The following MCM3AP variants were observed in gnomAD, a reference collection of about 807,000 sequenced individuals.
The protein encoded by MCM3AP is minichromosome maintenance complex component 3 associated protein.
Under a neutral mutation model 184.1 loss-of-function variants are expected in MCM3AP, and 126 were observed. That is an observed-to-expected ratio of 0.68 (90% CI 0.59 to 0.79). MCM3AP has a LOEUF of 0.79. Ranked by LOEUF, MCM3AP falls within the 30% of genes least tolerant of loss-of-function variation. MCM3AP has a pLI of 0.00. For synonymous variants in MCM3AP, 1,002 were observed against 979.3 expected (o/e 1.02, Z -0.43); for missense variants, 2,496 against 2,479.2 (o/e 1.01, Z -0.14).
At chr21:46,239,406 A>C (rs966877972) in intron 26 of MCM3AP, among the ~76,000 whole-genome samples, 1 of 152,252 alleles carries the variant, frequency 6.6e-6, no homozygotes, top group Non-Finnish European at 1.5e-5. Context: ...CATGGAAGTC[A>C]TAACAAGTGG....
At chr21:46,261,596 G>A (rs1010448025) in intron 13 of MCM3AP, among the ~76,000 whole-genome samples, 185 bp from the exon 14 acceptor site, 10 of 151,950 alleles carry the variant, frequency 6.6e-5, no homozygotes, top group South Asian at 6.3e-4. Context: ...AGCCAGGCGC[G>A]GCAGCACACG....
At chr21:46,247,503 C>CCCA (rs2080795464) in intron 20 of MCM3AP, 4 of 2,996 alleles carry the variant, frequency 1.3e-3, no homozygotes, top group Admixed American at 2.6e-3. Flanking sequence ...ATTACAGGTG[C>CCCA]CCACCACCAC....
rs754670172 is a variant in MCM3AP, at chr21:46,251,881, C to CTTTTTTT, written c.4137-206_4137-200dup. On this transcript the variant is annotated intron_variant, in intron 19 of 27. Coordinates refer to ENST00000291688, the MANE Select transcript of MCM3AP (RefSeq NM_003906.5). ...AATGGAGCAACGATCTGTACTCGTT[C>CTTTTTTT]TTTTTTTTTTTTTTTTTTTTTTGAG... 714 of 127,656 alleles carry CTTTTTTT rather than the reference C, an allele frequency of 5.6e-3. 11 individuals carry two copies. The highest frequency in any genetic ancestry group is 7.2e-3 in the Non-Finnish European group (482 of 67,276). 7.9% of individuals were successfully genotyped at this position (127,656 alleles called of 1,614,324 possible).
intron 1 of MCM3AP, 92 bp from the exon 2 acceptor site, chr21:46,283,930 TA>T (rs2081365794): frequency 2.6e-6 from 4 of 1,550,180 alleles, no homozygotes; most frequent in Non-Finnish European, 3.5e-6. Context: ...TTTTCAGATG[TA>T]AGACCTGCTC....
chr21:46,276,050 G>A (rs911867431), intron 5 of MCM3AP, among the ~76,000 whole-genome samples: 5 of 152,082 alleles, frequency 3.3e-5, no homozygotes, highest in Admixed American at 6.6e-5. Context: ...TCGGGAGTTC[G>A]AGACCAGCCT....
At position 46,240,989 on chromosome 21, in the gene MCM3AP, C is replaced by T; in HGVS notation, c.5455G>A (p.Ala1819Thr). ...AGCAATGGTATGGGAAAATTGTTTGCAGAAGGATGAAAAGGCTTTATTGCC... is the reference window on the plus strand; with the variant it reads ...AGCAATGGTATGGGAAAATTGTTTGTAGAAGGATGAAAAGGCTTTATTGCC... Reference protein sequence around the residue: ...RLAIKPFHPSANNFPIPLLHM... With the variant: ...RLAIKPFHPSTNNFPIPLLHM... Residue 1819 changes from alanine (A) to threonine (T), a missense_variant, in exon 26 of 28, where the codon GCA (alanine) becomes ACA (threonine). Physicochemically the swap from Ala to Thr is moderately conservative, Grantham distance 58 (BLOSUM62 0). This residue lies in a region of MCM3AP where 1,323 missense variants were observed against 1,273.4 expected (regional missense o/e 1.04). Transcript: ENST00000291688. The T allele has an allele frequency of 6.2e-7, 1 of 1,613,808 alleles. No homozygotes were observed. Among genetic ancestry groups the T allele is most frequent in the Non-Finnish European group, 8.5e-7 (1 of 1,179,958 alleles).
Position 46,284,564 on chromosome 21 carries a change from T to C in MCM3AP, c.723A>G (p.Ile241Met), listed in dbSNP as rs778637160. 6.2e-7 allele frequency: 1 copy of C among 1,614,202 alleles called. No homozygotes were observed. Among genetic ancestry groups the C allele is most frequent in the South Asian group, 1.1e-5 (1 of 91,084 alleles). ...TGAAGCTATTATTAGAACTTCCAAA[T>C]ATTGACTTAGGTCCTCTCTTCTCTT... ...VEEEKRGPKSIFGSSNNSFSS... is the reference protein window; with the variant it reads ...VEEEKRGPKSMFGSSNNSFSS... The change falls in exon 1 of 28, where the codon ATA (isoleucine) becomes ATG (methionine). Residue 241 changes from isoleucine (I) to methionine (M), a missense_variant. Transcript: ENST00000291688.
intron 17 of MCM3AP, among the ~76,000 whole-genome samples, chr21:46,255,189 C>T (rs2080931280): frequency 1.3e-5 from 2 of 152,082 alleles, no homozygotes; most frequent in Admixed American, 6.5e-5. Context: ...TGCAGTCTCA[C>T]TCAGGGTGGT....
At chr21:46,257,347 C>T (rs1008198090) in intron 16 of MCM3AP, among the ~76,000 whole-genome samples, 1 of 151,710 alleles carries the variant, frequency 6.6e-6, no homozygotes, top group African/African-American at 2.4e-5. Context: ...TGGTGGTGGG[C>T]GACTGTGGTC....
At chr21:46,271,279 G>A (rs1310495411) in intron 8 of MCM3AP, among the ~76,000 whole-genome samples, 1 of 150,324 alleles carries the variant, frequency 6.7e-6, no homozygotes, top group African/African-American at 2.5e-5. Flanking sequence ...CTCTCATCTC[G>A]GCCTCCCAAA....
Position 46,270,417 on chromosome 21 carries a change from T to C in MCM3AP, c.2612A>G (p.His871Arg). 6.2e-7 allele frequency: 1 copy of C among 1,612,910 alleles called. No individual in the cohort carries two copies. The highest frequency in any genetic ancestry group is 2.2e-5 in the East Asian group (1 of 44,874). ...SASYLNACLL[H>R]CYFSQIRKDA... ...TTTACTCACCTGACTGAAGTAACAG[T>C]GTAAAAGACAAGCGTTCAGGTAAGA... The change falls in exon 9 of 28, where the codon CAC becomes CGC. Residue 871 changes from histidine to arginine, a missense_variant. Physicochemically the swap from His to Arg is conservative, Grantham distance 29 (BLOSUM62 0). This residue lies in a region of MCM3AP where 138 missense variants were observed against 191.9 expected (regional missense o/e 0.72). Transcript: ENST00000291688.
chr21:46,243,748 A>T, intron 23 of MCM3AP, 26 bp from the exon 24 acceptor site: 1 of 1,610,472 alleles, frequency 6.2e-7, no homozygotes, highest in Non-Finnish European at 8.5e-7. Flanking sequence ...CTCATTAGTT[A>T]CAGGTTTGGC....
intron 12 of MCM3AP, among the ~76,000 whole-genome samples, 189 bp from the exon 13 acceptor site, chr21:46,264,406 C>A (rs996387939): frequency 6.6e-6 from 1 of 152,166 alleles, no homozygotes; most frequent in African/African-American, 2.4e-5. Flanking sequence ...GAGAGGAAGG[C>A]GCCCTGCGGA....
chr21:46,266,002 G>A lies in MCM3AP; in HGVS notation c.2954C>T (p.Ser985Phe). ...GCTCTCCCCGATGTACTTGTTCTGG[G>A]AGTTGAAGCTGCACACAGGGGTATG... ...PRHTPVCSFN[S>F]QNKYIGESLA... is the part of the protein sequence containing the mutation. Residue 985 changes from serine (S) to phenylalanine (F), a missense_variant, in exon 11 of 28, where the codon TCC becomes TTC. Ser to Phe is a radical substitution (Grantham distance 155). This residue lies in a region of MCM3AP where 1,323 missense variants were observed against 1,273.4 expected (regional missense o/e 1.04). Coordinates refer to ENST00000291688, the MANE Select transcript of MCM3AP (RefSeq NM_003906.5). 6.2e-7 allele frequency: 1 copy of A among 1,609,178 alleles called. No homozygotes were observed. The highest frequency in any genetic ancestry group is 8.5e-7 in the Non-Finnish European group (1 of 1,177,474).
Position 46,258,737 on chromosome 21 carries a change from A to ATGTGTGTGTGTGTGTGTGTG in MCM3AP, c.3734+182_3734+201dup, listed in dbSNP as rs55695472. Among the ~76,000 whole-genome samples the ATGTGTGTGTGTGTGTGTGTG allele has an allele frequency of 5.1e-3, 767 of 150,192 alleles. 6 individuals are homozygous for ATGTGTGTGTGTGTGTGTGTG. Among genetic ancestry groups the ATGTGTGTGTGTGTGTGTGTG allele is most frequent in the Middle Eastern group, 0.017 (5 of 294 alleles). ...CTCCTGACTTTTCCCCTTATATTGT[A>ATGTGTGTGTGTGTGTGTGTG]TGTGTGTGTGTGTGTGTGTGTAATC... On this transcript the variant is annotated intron_variant, in intron 16 of 27. Transcript: ENST00000291688.
chr21:46,248,648 G>A (rs956016272), intron 20 of MCM3AP, among the ~76,000 whole-genome samples: 1 of 150,174 alleles, frequency 6.7e-6, no homozygotes, highest in Non-Finnish European at 1.5e-5. Flanking sequence ...CAGATAATAC[G>A]TGAACCAAAG....
In MCM3AP at chr21:46,266,069, C is replaced by T. The variant is rs775972702; in HGVS notation, c.2887G>A (p.Gly963Arg). ...AATGGCCCTCCGTTCACAATTTCCC[C>T]GACTGACACCGTCAGCTTCCTAGTA... ...FITRKLTVSVGEIVNGGPLPP... is the reference protein window; with the variant it reads ...FITRKLTVSVREIVNGGPLPP... The change falls in exon 11 of 28, where the codon GGG (glycine) becomes AGG (arginine). Residue 963 changes from glycine (G) to arginine (R), a missense_variant. Gly to Arg is a moderately radical substitution (Grantham distance 125). Transcript: ENST00000291688. 3.7e-6 allele frequency: 6 copies of T among 1,612,366 alleles called. No homozygotes were observed. The highest frequency in any genetic ancestry group is 1.3e-5 in the African/African-American group (1 of 75,042).
At chr21:46,258,324 A>G (rs1286667359) in intron 16 of MCM3AP, among the ~76,000 whole-genome samples, 1 of 152,228 alleles carries the variant, frequency 6.6e-6, no homozygotes, top group Non-Finnish European at 1.5e-5. Flanking sequence ...TAACACATAT[A>G]TGCCCAGTTA....
chr21:46,260,286 T>A (rs1049714018), intron 15 of MCM3AP, among the ~76,000 whole-genome samples: 34 of 152,200 alleles, frequency 2.2e-4, no homozygotes, highest in African/African-American at 8.0e-4. Flanking sequence ...TCAGAATTTT[T>A]AATTATTTTA....
Sources: allele counts gnomAD v4.1 joint callset (sites outside exome capture counted in the v4.1 genomes callset), GRCh38; gene constraint gnomAD v4.1.1; regional missense constraint gnomAD v4.1.1; transcripts MANE v1.5; gene names NCBI Gene and HGNC (gene_info 2026-07-23, HGNC 2026-07-21).